Variants in PIWIL1 observed in about 807,000 individuals in gnomAD.
The protein encoded by PIWIL1 is piwi-like protein 1.
PIWIL1 carries 73 observed loss-of-function variants against 114.4 expected under a neutral mutation model. That is an observed-to-expected ratio of 0.64 (90% CI 0.53 to 0.78). The LOEUF is 0.78. Ranked by LOEUF, PIWIL1 falls within the 30% of genes least tolerant of loss-of-function variation. PIWIL1 has a pLI of 0.00. For synonymous variants in PIWIL1, 375 were observed against 369.0 expected, an observed-to-expected ratio of 1.02 and a Z score of -0.19; for missense variants, 723 against 1,063.1, an observed-to-expected ratio of 0.68 and a Z score of 4.45.
the PIWIL1 span, chr12:130,399,812 C>G: frequency 6.2e-7 from 1 of 1,613,980 alleles, no homozygotes; most frequent in Non-Finnish European, 8.5e-7. Flanking sequence ...ATTCAGCTCC[C>G]CCTAAAACAC....
chr12:130,417,159 T>A, the PIWIL1 span, among the ~76,000 whole-genome samples: 1 of 152,246 alleles, frequency 6.6e-6, no homozygotes, highest in African/African-American at 2.4e-5. Context: ...GGAAATTAGT[T>A]CAGCCACTGT....
chr12:130,415,920 C>T, the PIWIL1 span, among the ~76,000 whole-genome samples: 1 of 151,956 alleles, frequency 6.6e-6, no homozygotes, highest in South Asian at 2.1e-4. Flanking sequence ...ATTGTTCAAG[C>T]TGAGAGCCAA....
chr12:130,346,864 T>C (rs1439167824), intron 5 of PIWIL1, 77 bp from the exon 6 acceptor site: 1 of 1,539,310 alleles, frequency 6.5e-7, no homozygotes, highest in Non-Finnish European at 8.7e-7. Context: ...GTTGCCTTAT[T>C]AAGCAAGCAG....
In PIWIL1 at chr12:130,371,646, AT is replaced by A. The variant is rs1238874403; in HGVS notation, c.*55del. 9 of 1,207,700 alleles carry A rather than the reference AT, an allele frequency of 7.5e-6. No homozygotes were observed. Among genetic ancestry groups the A allele is most frequent in the South Asian group, 1.4e-5 (1 of 73,560 alleles). 74.8% of individuals were successfully genotyped at this position (1,207,700 alleles called of 1,614,324 possible). A position where few individuals can be genotyped will look rare whatever the true frequency, so the allele number is the denominator to read the frequency against. ...CTTTTCTTTTTGAAATGACTTTGGG[AT>A]TTTTTTAAGCTTTTATTTACTTTTT... On this transcript the variant is annotated 3_prime_UTR_variant, in exon 21 of 21. Coordinates refer to ENST00000245255, the MANE Select transcript of PIWIL1 (RefSeq NM_004764.5).
chr12:130,362,841 G>A lies in PIWIL1; in HGVS notation c.2041+5G>A. Reference sequence around the variant, plus strand: ...GGCTCAAAGTCTGCCTGCAAGGTTAGTCACCTGTGGGGTTGCCATTCTACT... The same window carrying A: ...GGCTCAAAGTCTGCCTGCAAGGTTAATCACCTGTGGGGTTGCCATTCTACT... On this transcript the variant is annotated splice_donor_5th_base_variant and intron_variant, in intron 17 of 20. Coordinates refer to ENST00000245255, the MANE Select transcript of PIWIL1 (RefSeq NM_004764.5). 6.2e-7 allele frequency: 1 copy of A among 1,613,906 alleles called. No homozygotes were observed. The highest frequency in any genetic ancestry group is 8.5e-7 in the Non-Finnish European group (1 of 1,179,880).
rs752673003 is a variant in PIWIL1 at position 130,357,556 on chromosome 12, A to T, written c.1665+3A>T. On this transcript the variant is annotated splice_donor_region_variant and intron_variant, in intron 14 of 20. Coordinates refer to ENST00000245255, the MANE Select transcript of PIWIL1 (RefSeq NM_004764.5). ...AGGTCACAGCAGACACCCAGATAGT[A>T]AGTAACTAATTGACATATAGGCAGT... 1.9e-6 allele frequency: 3 copies of T among 1,600,548 alleles called. No homozygotes were observed. Among genetic ancestry groups the T allele is most frequent in the Non-Finnish European group, 1.7e-6 (2 of 1,167,882 alleles).
chr12:130,376,642 C>T (rs2073868758), downstream of PIWIL1, among the ~76,000 whole-genome samples: 1 of 152,224 alleles, frequency 6.6e-6, no homozygotes, highest in Non-Finnish European at 1.5e-5. Flanking sequence ...GGAGTCATCT[C>T]TTACATCACA....
chr12:130,400,131 T>A, the PIWIL1 span, among the ~76,000 whole-genome samples: 1 of 152,128 alleles, frequency 6.6e-6, no homozygotes. Flanking sequence ...TCTCATTTAG[T>A]GGTTCTCGGG....
chr12:130,345,887 A>G lies in PIWIL1; in HGVS notation c.316+9A>G. On this transcript the variant is annotated intron_variant, in intron 4 of 20. Transcript: ENST00000245255. ...TAAAGAATCAAAAACAGGTAGGTTA[A>G]TTAAGAATAAGTTTTGTGAGATTAC... The G allele has an allele frequency of 6.2e-7, 1 of 1,612,902 alleles. No homozygotes were observed. Among genetic ancestry groups the G allele is most frequent in the Non-Finnish European group, 8.5e-7 (1 of 1,179,490 alleles).
intron 18 of PIWIL1, chr12:130,366,570 C>G (rs1222240118): frequency 6.6e-6 from 1 of 152,478 alleles, no homozygotes; most frequent in Non-Finnish European, 1.5e-5. Context: ...GTGGGGCCGT[C>G]CTGGGGTCTG....
the PIWIL1 span, among the ~76,000 whole-genome samples, chr12:130,391,579 T>C: frequency 0.046 from 7,075 of 152,276 alleles, 188 homozygotes; most frequent in Middle Eastern, 0.061. Context: ...GTTACTTACA[T>C]GTGTCTTCTT....
intron 16 of PIWIL1, among the ~76,000 whole-genome samples, chr12:130,361,936 C>G (rs1490237978): frequency 6.6e-6 from 1 of 152,020 alleles, no homozygotes; most frequent in African/African-American, 2.4e-5. Flanking sequence ...TTCAGTTTAC[C>G]CAGTCACTTG....
chr12:130,360,633 C>G (rs2073485375), intron 14 of PIWIL1, among the ~76,000 whole-genome samples: 1 of 152,096 alleles, frequency 6.6e-6, no homozygotes, highest in Non-Finnish European at 1.5e-5. Context: ...AACTCCATCT[C>G]AAAAACAAAA....
chr12:130,343,590 C>A (rs1337384391), intron 3 of PIWIL1, among the ~76,000 whole-genome samples: 1 of 146,212 alleles, frequency 6.8e-6, no homozygotes, highest in East Asian at 2.0e-4. Context: ...GATTTTCATT[C>A]TGTAAAGGGA....
At chr12:130,395,898 G>A in the PIWIL1 span, among the ~76,000 whole-genome samples, 1 of 152,112 alleles carries the variant, frequency 6.6e-6, no homozygotes, top group Admixed American at 6.5e-5. Context: ...TCCTGGTAGT[G>A]CTTATACTGA....
At chr12:130,392,417 G>T in the PIWIL1 span, among the ~76,000 whole-genome samples, 1 of 140,702 alleles carries the variant, frequency 7.1e-6, no homozygotes, top group East Asian at 2.1e-4. Flanking sequence ...ATGTTGTGAG[G>T]ACCCGGTCAC....
At chr12:130,378,503 A>C in the PIWIL1 span, among the ~76,000 whole-genome samples, 1 of 152,104 alleles carries the variant, frequency 6.6e-6, no homozygotes, top group Admixed American at 6.6e-5. Context: ...GAATTGCTGG[A>C]TTTATATGGG....
chr12:130,371,741 A>T lies in PIWIL1; in HGVS notation c.*143A>T. ...GGAGATCTAGCATTTTATTTCTAGCATTGCTATTCACCGGCTTCCTTATTT... is the reference window on the plus strand; with the variant it reads ...GGAGATCTAGCATTTTATTTCTAGCTTTGCTATTCACCGGCTTCCTTATTT... On this transcript the variant is annotated 3_prime_UTR_variant, in exon 21 of 21. Transcript: ENST00000245255. 1 of 497,530 alleles carries T rather than the reference A, an allele frequency of 2.0e-6. No individual in the cohort carries two copies. The highest frequency in any genetic ancestry group is 4.0e-5 in the South Asian group (1 of 25,172). 30.8% of individuals were successfully genotyped at this position (497,530 alleles called of 1,614,324 possible). A position where few individuals can be genotyped will look rare whatever the true frequency, so the allele number is the denominator to read the frequency against.
chr12:130,424,942 C>G, the PIWIL1 span: 61 of 836,198 alleles, frequency 7.3e-5, no homozygotes, highest in Admixed American at 3.9e-4. This position sits in a 1 kb window ranked among gnomAD's most constrained non-coding sequence, Gnocchi z 9.8. Flanking sequence ...AAAGAAAATA[C>G]AGACAGAATT....
Sources: allele counts gnomAD v4.1 joint callset (sites outside exome capture counted in the v4.1 genomes callset), GRCh38; gene constraint gnomAD v4.1.1; non-coding constraint Gnocchi (gnomAD v3.1); transcripts MANE v1.5; gene names NCBI Gene and HGNC (gene_info 2026-07-23, HGNC 2026-07-21).